Variants in MACC1 observed in about 807,000 individuals in gnomAD.
MACC1 encodes MET transcriptional regulator MACC1, also known as metastasis-associated in colon cancer protein 1.
A neutral mutation model predicts 70.7 loss-of-function variants in MACC1; 79 were observed. The observed-to-expected ratio is 1.12, with a 90% CI of 0.93 to 1.35. MACC1 has a LOEUF of 1.35. MACC1 is among the 40% of genes most tolerant of loss of function. MACC1 has a pLI of 0.00. For synonymous variants in MACC1, 361 were observed against 347.2 expected (o/e 1.04, Z -0.44); for missense variants, 1,106 against 978.1 (o/e 1.13, Z -1.74).
At chr7:20,141,571 G>T (rs955119104) in intron 6 of MACC1, among the ~76,000 whole-genome samples, 1 of 151,976 alleles carries the variant, frequency 6.6e-6, no homozygotes, top group African/African-American at 2.4e-5. Context: ...ACCAAATAAT[G>T]TATCAGGAGA....
At chr7:20,176,602 T>C (rs748363115) in intron 1 of MACC1, among the ~76,000 whole-genome samples, 4 of 152,194 alleles carry the variant, frequency 2.6e-5, no homozygotes, top group Admixed American at 6.5e-5. Context: ...TGAAAACTTA[T>C]TTTCATAGAA....
intron 1 of MACC1, among the ~76,000 whole-genome samples, chr7:20,210,248 G>C (rs1041397989): frequency 3.3e-5 from 5 of 151,976 alleles, no homozygotes; most frequent in African/African-American, 1.2e-4. Flanking sequence ...AATCAAGTTG[G>C]CAGATTTTTT....
intron 6 of MACC1, among the ~76,000 whole-genome samples, chr7:20,142,338 A>C (rs983310779): frequency 6.6e-6 from 1 of 152,218 alleles, no homozygotes; most frequent in Non-Finnish European, 1.5e-5. Flanking sequence ...TCTAAGGACA[A>C]TTTAATGTTA....
intron 1 of MACC1, among the ~76,000 whole-genome samples, chr7:20,196,547 T>G (rs1250079756): frequency 6.6e-6 from 1 of 152,104 alleles, no homozygotes; most frequent in Non-Finnish European, 1.5e-5. Context: ...AGAAAGATAG[T>G]GTATAAATTT....
At chr7:20,160,986 G>C (rs1327427644) in intron 4 of MACC1, among the ~76,000 whole-genome samples, 1 of 152,104 alleles carries the variant, frequency 6.6e-6, no homozygotes, top group Non-Finnish European at 1.5e-5. Flanking sequence ...ACTAGAAATT[G>C]AAGCATTATT....
At chr7:20,196,301 C>A (rs558647693) in intron 1 of MACC1, among the ~76,000 whole-genome samples, 63 of 152,278 alleles carry the variant, frequency 4.1e-4, no homozygotes, top group African/African-American at 1.5e-3. Flanking sequence ...CTGCCTCAGC[C>A]TCCAGAGTAG....
intron 1 of MACC1, among the ~76,000 whole-genome samples, chr7:20,189,790 A>G (rs1782645812): frequency 6.6e-6 from 1 of 151,412 alleles, no homozygotes; most frequent in Admixed American, 6.6e-5. Flanking sequence ...CAGAGAGAGA[A>G]AAAAGAGAGA....
Position 20,159,978 on chromosome 7 carries a change from T to C in MACC1, c.383A>G (p.Gln128Arg). Reference protein sequence around the residue: ...DELDVHQLLRQTSSRNSGRSK... With the variant: ...DELDVHQLLRRTSSRNSGRSK... ...TCTTCCAGAATTTCTTGAGGAAGTC[T>C]GCCTAAGTAACTGATGCACATCAAG... Residue 128 changes from glutamine to arginine, a missense_variant, in exon 5 of 7, where the codon CAG (glutamine) becomes CGG (arginine). Coordinates refer to ENST00000400331, the MANE Select transcript of MACC1 (RefSeq NM_182762.4). 1 of 1,614,112 alleles carries C rather than the reference T, an allele frequency of 6.2e-7. No homozygotes were observed. The highest frequency in any genetic ancestry group is 8.5e-7 in the Non-Finnish European group (1 of 1,180,008).
intron 6 of MACC1, 26 bp downstream of exon 6, chr7:20,154,166 AT>A: frequency 6.2e-7 from 1 of 1,612,016 alleles, no homozygotes; most frequent in Non-Finnish European, 8.5e-7. Context: ...ACTTTTCACT[AT>A]TGAATTACAC....
In MACC1 at chr7:20,158,288, C is replaced by T. The variant is rs117084218; in HGVS notation, c.2073G>A (p.Glu691=). 8,446 of 1,612,598 alleles carry T rather than the reference C, an allele frequency of 5.2e-3. 275 individuals are homozygous for T. The Admixed American group carries it at 0.063, about 12-fold the overall frequency. ...FDQIQADKES[E]KVSYVIKKLK... Reference sequence around the variant, plus strand: ...ACTTCTTTATAACATAAGAAACTTTCTCTGATTCTTTGTCTGCTTGAATTT... The same window carrying T: ...ACTTCTTTATAACATAAGAAACTTTTTCTGATTCTTTGTCTGCTTGAATTT... The change falls in exon 5 of 7, where the codon GAG becomes GAA. Residue 691 remains glutamate (E), a synonymous_variant. Transcript: ENST00000400331.
intron 2 of MACC1, among the ~76,000 whole-genome samples, 153 bp from the exon 3 acceptor site, chr7:20,164,552 T>G (rs576789654): frequency 4.6e-5 from 7 of 152,110 alleles, no homozygotes; most frequent in Non-Finnish European, 8.8e-5. Context: ...CTTAAAAAAA[T>G]CCAATGTTGC....
intron 5 of MACC1, among the ~76,000 whole-genome samples, chr7:20,157,555 G>A (rs10234789): frequency 0.13 from 19,228 of 151,172 alleles, 1,352 homozygotes; most frequent in Non-Finnish European, 0.15. Flanking sequence ...AGGCAAAGGT[G>A]GGAAGATTGC....
At chr7:20,203,854 T>G (rs1782869355) in intron 1 of MACC1, among the ~76,000 whole-genome samples, 1 of 152,158 alleles carries the variant, frequency 6.6e-6, no homozygotes, top group Admixed American at 6.5e-5. Context: ...AAATGATCAT[T>G]GTGGCTCTGG....
In MACC1 at chr7:20,154,307, G is replaced by C. The variant is rs1399135495; in HGVS notation, c.2232C>G (p.Val744=). 1 of 1,613,900 alleles carries C rather than the reference G, an allele frequency of 6.2e-7. No individual in the cohort carries two copies. Reference sequence around the variant, plus strand: ...GTTCCCTCCAGCCTTTTCCAAGCTTGACAGCTGAAGTCAGAACAGCAGCTT... The same window carrying C: ...GTTCCCTCCAGCCTTTTCCAAGCTTCACAGCTGAAGTCAGAACAGCAGCTT... ...IQEAAVLTSA[V]KLGKGWRELA... is the part of the protein sequence containing the mutation. The change falls in exon 6 of 7, where the codon GTC becomes GTG. Residue 744 remains valine, a synonymous_variant. Coordinates refer to ENST00000400331, the MANE Select transcript of MACC1 (RefSeq NM_182762.4).
intron 1 of MACC1, among the ~76,000 whole-genome samples, chr7:20,194,562 C>T (rs1451702595): frequency 6.6e-6 from 1 of 152,240 alleles, no homozygotes; most frequent in Admixed American, 6.5e-5. Flanking sequence ...GCTGGCTCAG[C>T]CTCAACCTCT....
At chr7:20,193,087 G>T (rs190146930) in intron 1 of MACC1, among the ~76,000 whole-genome samples, 6 of 152,224 alleles carry the variant, frequency 3.9e-5, no homozygotes, top group Admixed American at 3.9e-4. Context: ...TCCCCAGAAG[G>T]TATACAATAA....
chr7:20,205,082 AT>A (rs150003920), intron 1 of MACC1, among the ~76,000 whole-genome samples: 7,285 of 150,112 alleles, frequency 0.049, 577 homozygotes, highest in African/African-American at 0.16. Context: ...TATTAATACA[AT>A]TTTTTTTTTA....
intron 2 of MACC1, among the ~76,000 whole-genome samples, chr7:20,165,304 A>T (rs923825988): frequency 2.0e-4 from 30 of 152,154 alleles, no homozygotes; most frequent in Admixed American, 7.2e-4. Flanking sequence ...AAAGCTGTCA[A>T]ATGATGCTGA....
rs1782112312 is a variant in MACC1 at position 20,159,656 on chromosome 7, A to G, written c.705T>C (p.His235=). 6.2e-7 allele frequency: 1 copy of G among 1,614,178 alleles called. No homozygotes were observed. The highest frequency in any genetic ancestry group is 1.1e-5 in the South Asian group (1 of 91,084). ...VQLPESDITV[H]VPQGHVAVGE... The stretch of plus-strand genomic sequence containing the variant: ...CCACAGCCACATGACCTTGGGGCAC[A>G]TGAACAGTGATGTCTGATTCAGGTA... The change falls in exon 5 of 7, where the codon CAT becomes CAC. Residue 235 remains histidine, a synonymous_variant. Coordinates refer to ENST00000400331, the MANE Select transcript of MACC1 (RefSeq NM_182762.4).
Sources: allele counts gnomAD v4.1 joint callset (sites outside exome capture counted in the v4.1 genomes callset), GRCh38; gene constraint gnomAD v4.1.1; transcripts MANE v1.5; gene names NCBI Gene and HGNC (gene_info 2026-07-23, HGNC 2026-07-21).